FHIT: variants seen among roughly 807,000 people sequenced by gnomAD.
The protein encoded by FHIT is bis(5'-adenosyl)-triphosphatase.
FHIT carries 19 observed loss-of-function variants against 17.9 expected under a neutral mutation model. That is an observed-to-expected ratio of 1.06 (90% CI 0.74 to 1.56). The LOEUF (loss-of-function observed/expected upper bound fraction) is 1.56, where lower values mean the gene tolerates loss of function less well. FHIT is among the 40% of genes most tolerant of loss of function. The pLI, the probability that FHIT is intolerant of heterozygous loss-of-function variation, is 0.00. For synonymous variants in FHIT, 81 were observed against 69.7 expected (o/e 1.16, Z -0.81); for missense variants, 248 against 189.2 (o/e 1.31, Z -1.82).
intron 2 of FHIT, among the ~76,000 whole-genome samples, chr3:61,077,302 A>G (rs1485243188): frequency 6.6e-6 from 1 of 152,166 alleles, no homozygotes; most frequent in African/African-American, 2.4e-5. Context: ...GCTATGGCTC[A>G]GGGTAAACAC....
At chr3:60,010,204 T>A (rs916513618) in intron 7 of FHIT, among the ~76,000 whole-genome samples, 1 of 152,242 alleles carries the variant, frequency 6.6e-6, no homozygotes, top group Non-Finnish European at 1.5e-5. Flanking sequence ...AAGCCACAGG[T>A]ATTAAATCCT....
intron 5 of FHIT, among the ~76,000 whole-genome samples, chr3:60,406,799 T>TA (rs1019430328): frequency 1.2e-4 from 19 of 152,250 alleles, no homozygotes; most frequent in African/African-American, 4.6e-4. Flanking sequence ...GGCAACTGTT[T>TA]AGTTCAGATG....
At chr3:60,067,640 T>C (rs555184151) in intron 5 of FHIT, among the ~76,000 whole-genome samples, 1 of 152,340 alleles carries the variant, frequency 6.6e-6, no homozygotes, top group South Asian at 2.1e-4. Context: ...TGGGAAGACC[T>C]TGTATCTTGC....
At chr3:60,052,151 T>A (rs112559360) in intron 5 of FHIT, among the ~76,000 whole-genome samples, 1 of 152,242 alleles carries the variant, frequency 6.6e-6, no homozygotes, top group South Asian at 2.1e-4. Context: ...CAGAGGTGAA[T>A]GTAGGATGGC....
At chr3:59,811,687 G>C (rs1700410125) in intron 8 of FHIT, among the ~76,000 whole-genome samples, 2 of 152,138 alleles carry the variant, frequency 1.3e-5, no homozygotes, top group African/African-American at 4.8e-5. Flanking sequence ...TAGTAATTTT[G>C]ATACATAAAG....
chr3:59,863,456 T>C (rs972561604), intron 8 of FHIT, among the ~76,000 whole-genome samples: 2 of 152,204 alleles, frequency 1.3e-5, no homozygotes, highest in African/African-American at 4.8e-5. Flanking sequence ...TGTCATATGA[T>C]CCTATAGCAT....
chr3:60,967,507 T>C (rs1310488968), intron 3 of FHIT, among the ~76,000 whole-genome samples: 1 of 152,214 alleles, frequency 6.6e-6, no homozygotes, highest in African/African-American at 2.4e-5. Flanking sequence ...TATAGAAAAG[T>C]ATATATAAAT....
intron 5 of FHIT, among the ~76,000 whole-genome samples, chr3:60,090,345 C>T (rs1456821817): frequency 6.6e-6 from 1 of 152,170 alleles, no homozygotes; most frequent in Admixed American, 6.5e-5. Flanking sequence ...GACCATTCTA[C>T]AGCTTGGGAA....
At chr3:60,055,027 G>GA (rs904913266) in intron 5 of FHIT, among the ~76,000 whole-genome samples, 10 of 151,738 alleles carry the variant, frequency 6.6e-5, no homozygotes, top group South Asian at 6.3e-4. Context: ...CCCAACACAG[G>GA]AAAAAAAATA....
At chr3:60,939,105 A>T (rs781919335) in intron 3 of FHIT, among the ~76,000 whole-genome samples, 1 of 152,192 alleles carries the variant, frequency 6.6e-6, no homozygotes, top group Non-Finnish European at 1.5e-5. Context: ...TCTCATATAC[A>T]TACGCACATT....
chr3:61,156,775 T>A (rs2037545484), intron 2 of FHIT, among the ~76,000 whole-genome samples: 1 of 152,232 alleles, frequency 6.6e-6, no homozygotes, highest in Non-Finnish European at 1.5e-5. Flanking sequence ...ATCATGCCAA[T>A]GCTTCACCTT....
chr3:61,221,524 T>G (rs2039838093), intron 1 of FHIT, among the ~76,000 whole-genome samples: 1 of 152,226 alleles, frequency 6.6e-6, no homozygotes, highest in Non-Finnish European at 1.5e-5. Context: ...TCATTCACAT[T>G]TAAGCAAAAC....
chr3:60,079,331 G>A (rs1384144023), intron 5 of FHIT, among the ~76,000 whole-genome samples: 1 of 152,102 alleles, frequency 6.6e-6, no homozygotes, highest in East Asian at 1.9e-4. Context: ...TCTAAAATGT[G>A]TTTCTACACA....
intron 7 of FHIT, among the ~76,000 whole-genome samples, chr3:59,956,282 G>A (rs1474172288): frequency 2.0e-5 from 3 of 151,914 alleles, no homozygotes; most frequent in Non-Finnish European, 2.9e-5. Context: ...GCTCACATCT[G>A]TAATCCCAGC....
At chr3:60,206,492 T>A (rs1046393087) in intron 5 of FHIT, among the ~76,000 whole-genome samples, 3 of 152,246 alleles carry the variant, frequency 2.0e-5, no homozygotes, top group East Asian at 3.9e-4. Flanking sequence ...TTTTTTCTTT[T>A]GTTTTGACTT....
At chr3:60,639,699 T>C (rs1477851400) in intron 4 of FHIT, among the ~76,000 whole-genome samples, 1 of 152,114 alleles carries the variant, frequency 6.6e-6, no homozygotes, top group African/African-American at 2.4e-5. Flanking sequence ...TAAAAGGAAC[T>C]AAAGGGGGTT....
chr3:60,132,332 C>T (rs1699629293), intron 5 of FHIT, among the ~76,000 whole-genome samples: 1 of 152,172 alleles, frequency 6.6e-6, no homozygotes, highest in South Asian at 2.1e-4. Context: ...ATGCATTTAA[C>T]TCAGAGCTTG....
At chr3:61,096,369 G>A (rs1340630380) in intron 2 of FHIT, among the ~76,000 whole-genome samples, 1 of 152,218 alleles carries the variant, frequency 6.6e-6, no homozygotes, top group Non-Finnish European at 1.5e-5. Flanking sequence ...GAGTGCTAAG[G>A]TCAGTGGTCC....
chr3:60,624,365 T>A (rs552931756), intron 4 of FHIT, among the ~76,000 whole-genome samples: 5 of 152,250 alleles, frequency 3.3e-5, no homozygotes, highest in Admixed American at 1.3e-4. Context: ...AGGTTGGATA[T>A]GAAGTTTAGA....
Sources: gnomAD v4.1 joint callset for allele counts (sites outside exome capture counted in the v4.1 genomes callset) on GRCh38, gnomAD v4.1.1 for gene constraint, MANE v1.5 for transcripts, NCBI Gene and HGNC (gene_info 2026-07-23, HGNC 2026-07-21) for gene names.